The following PDGFA variants were observed in gnomAD, a reference collection of about 807,000 sequenced individuals.
PDGFA encodes the protein platelet derived growth factor subunit A, also known as platelet-derived growth factor subunit A.
PDGFA carries 9 observed loss-of-function variants against 25.6 expected under a neutral mutation model. That is an observed-to-expected ratio of 0.35 (90% CI 0.21 to 0.61). PDGFA has a LOEUF of 0.61. Ranked by LOEUF, PDGFA falls within the 20% of genes least tolerant of loss-of-function variation. The pLI, the probability that PDGFA is intolerant of heterozygous loss-of-function variation, is 0.75. For missense variants in PDGFA, 242 were observed against 272.8 expected, an observed-to-expected ratio of 0.89 and a Z score of 0.79; for synonymous variants, 133 against 111.8, an observed-to-expected ratio of 1.19 and a Z score of -1.20.
exon 6 of PDGFA, chr7:498,342 C>A: frequency 3.8e-6 from 2 of 530,130 alleles, no homozygotes; most frequent in Non-Finnish European, 6.7e-6. Flanking sequence ...CTCTTTTTGA[C>A]AAGGAAGCTT....
upstream of PDGFA, chr7:520,032 C>G (rs1231168626): frequency 2.5e-6 from 1 of 397,476 alleles, no homozygotes; most frequent in South Asian, 1.7e-5. Context: ...AGCACACACG[C>G]GCTCGCGCAA....
intron 4 of PDGFA, among the ~76,000 whole-genome samples, chr7:509,264 G>A (rs1000579631): frequency 1.3e-5 from 2 of 152,214 alleles, no homozygotes; most frequent in African/African-American, 2.4e-5. Context: ...AGGAGGTGGG[G>A]TGTCTTAAGG....
At chr7:498,640 G>T (rs34223855) in intron 5 of PDGFA, 66 bp from the exon 6 acceptor site, 4 of 1,482,458 alleles carry the variant, frequency 2.7e-6, no homozygotes, top group South Asian at 1.2e-5. Flanking sequence ...GCACACACAT[G>T]GCTGCATAGG....
chr7:497,964 A>AC (rs1782155398), exon 6 of PDGFA: 2 of 134,882 alleles, frequency 1.5e-5, no homozygotes, highest in African/African-American at 5.6e-5. Context: ...AAAAACAAAA[A>AC]AAAAAAAAAC....
chr7:517,866 G>C lies in PDGFA; in HGVS notation c.64-376C>G, dbSNP rs1783179785. Reference sequence around the variant, plus strand: ...TAATAGTGAGATCAACATCTAGAAAGATCAAGTTAAAATGCGTCACGGGTC... The same window carrying C: ...TAATAGTGAGATCAACATCTAGAAACATCAAGTTAAAATGCGTCACGGGTC... On this transcript the variant is annotated intron_variant, in intron 1 of 5. Transcript: ENST00000402802. The surrounding 1 kb of genome is among the most constrained non-coding windows in gnomAD (Gnocchi z 7.4). Among the ~76,000 whole-genome samples, 1 of 152,120 alleles carries C rather than the reference G, an allele frequency of 6.6e-6. No homozygotes were observed. Among genetic ancestry groups the C allele is most frequent in the African/African-American group, 2.4e-5 (1 of 41,420 alleles).
chr7:516,205 C>T (rs1056880761), intron 2 of PDGFA, among the ~76,000 whole-genome samples: 2 of 146,550 alleles, frequency 1.4e-5, no homozygotes, highest in African/African-American at 5.1e-5. Flanking sequence ...CTCTACCGCA[C>T]CCCCCACCCT....
chr7:518,013 A>G (rs1307743615), intron 1 of PDGFA, among the ~76,000 whole-genome samples: 8 of 151,986 alleles, frequency 5.3e-5, no homozygotes, highest in African/African-American at 1.9e-4. Flanking sequence ...ACGCGCGCGC[A>G]GACACACACA....
intron 1 of PDGFA, 67 bp downstream of exon 1, chr7:518,871 GC>G: frequency 9.2e-7 from 1 of 1,083,616 alleles, no homozygotes; most frequent in Non-Finnish European, 1.3e-6. Flanking sequence ...AGCCCGTGGC[GC>G]CCCAGCCGGC....
chr7:507,385 G>A (rs1391296592), intron 4 of PDGFA, among the ~76,000 whole-genome samples: 1 of 152,180 alleles, frequency 6.6e-6, no homozygotes, highest in African/African-American at 2.4e-5. Flanking sequence ...CCACTGCACA[G>A]AGCAAAGCAG....
intron 4 of PDGFA, among the ~76,000 whole-genome samples, chr7:509,987 G>T (rs1431766855): frequency 1.3e-5 from 2 of 151,796 alleles, no homozygotes; most frequent in East Asian, 1.9e-4. Context: ...GAAGCCGGGG[G>T]GGCCCTCCAA....
exon 6 of PDGFA, chr7:497,644 G>A (rs1041865184): frequency 6.6e-6 from 1 of 152,106 alleles, no homozygotes. Context: ...GCGTACGATT[G>A]GTTGACGCAT....
intron 5 of PDGFA, among the ~76,000 whole-genome samples, chr7:499,158 A>G (rs1782215923): frequency 6.6e-6 from 1 of 152,236 alleles, no homozygotes; most frequent in African/African-American, 2.4e-5. Context: ...GTCTGTCACC[A>G]GCAGGCCCAT....
chr7:520,340 T>G (rs1481667190), upstream of PDGFA: 1 of 170,510 alleles, frequency 5.9e-6, no homozygotes, highest in Non-Finnish European at 1.3e-5. Context: ...CCTCTCTCCA[T>G]AAAAGGAGGG....
At chr7:508,559 C>CAAAGAAAAA (rs1782665655) in intron 4 of PDGFA, among the ~76,000 whole-genome samples, 1 of 35,664 alleles carries the variant, frequency 2.8e-5, no homozygotes, top group Non-Finnish European at 4.9e-5. Flanking sequence ...GAAGCTGTCC[C>CAAAGAAAAA]AAAAAAAAAA....
At chr7:520,089 C>T (rs1165208552), upstream of PDGFA, 2 of 396,764 alleles carry the variant, frequency 5.0e-6, no homozygotes, top group Non-Finnish European at 1.0e-5. Flanking sequence ...CGCCGGGGCT[C>T]CGCGCCCCTC....
intron 4 of PDGFA, among the ~76,000 whole-genome samples, chr7:506,174 T>TGAA (rs1782556546): frequency 2.2e-5 from 1 of 45,064 alleles, no homozygotes; most frequent in African/African-American, 7.2e-5. Flanking sequence ...AGACTCTGTC[T>TGAA]CAAAAAAAAA....
chr7:507,410 G>A (rs900121431), intron 4 of PDGFA, among the ~76,000 whole-genome samples: 8 of 152,180 alleles, frequency 5.3e-5, no homozygotes, highest in African/African-American at 1.7e-4. Context: ...CACTCCCAGC[G>A]GGGAACTGGC....
chr7:505,842 G>A (rs1013860854), intron 4 of PDGFA, among the ~76,000 whole-genome samples: 2 of 152,192 alleles, frequency 1.3e-5, no homozygotes, highest in Admixed American at 6.5e-5. Context: ...TCTCGACAGA[G>A]ACTTGGAATG....
At position 500,776 on chromosome 7, in the gene PDGFA, AC is replaced by A. The variant is rs1321917278; in HGVS notation, c.580+339del. ...GTCCTCGAACCTGCTCCTCCCGCCC[AC>A]CCTGGCAGGAGGCCCTTCTGCAGAT... is the stretch of plus-strand genomic sequence containing the variant. On this transcript the variant is annotated intron_variant, in intron 5 of 5. Transcript: ENST00000402802. This position sits in a 1 kb window ranked among gnomAD's most constrained non-coding sequence, Gnocchi z 5.0. The A allele has an allele frequency of 3.5e-5, 50 of 1,440,532 alleles. No individual in the cohort carries two copies. The highest frequency in any genetic ancestry group is 4.6e-5 in the Non-Finnish European group (50 of 1,098,846). 89.2% of individuals were successfully genotyped at this position (1,440,532 alleles called of 1,614,324 possible). A position where few individuals can be genotyped will look rare whatever the true frequency, so the allele number is the denominator to read the frequency against.
Sources: allele counts gnomAD v4.1 joint callset (sites outside exome capture counted in the v4.1 genomes callset), GRCh38; gene constraint gnomAD v4.1.1; non-coding constraint Gnocchi (gnomAD v3.1); transcripts MANE v1.5; gene names NCBI Gene and HGNC (gene_info 2026-07-23, HGNC 2026-07-21).